The following PLXNA4 variants were observed in gnomAD, a reference collection of about 807,000 sequenced individuals.
The protein encoded by PLXNA4 is plexin A4.
A neutral mutation model predicts 191.8 loss-of-function variants in PLXNA4; 44 were observed. The ratio of observed to expected loss-of-function variants is 0.23; its 90% CI spans 0.18 to 0.29. PLXNA4 has a LOEUF of 0.29. Among genes scored for constraint, PLXNA4 ranks in the 10% least tolerant of loss-of-function variants. The pLI is 1.00. For synonymous variants in PLXNA4, 1,082 were observed against 1,009.5 expected (o/e 1.07, Z -1.36); for missense variants, 1,800 against 2,488.8 (o/e 0.72, Z 5.89).
At chr7:132,492,870 T>A (rs1797859946) in intron 2 of PLXNA4, among the ~76,000 whole-genome samples, 1 of 152,186 alleles carries the variant, frequency 6.6e-6, no homozygotes, top group South Asian at 2.1e-4. Context: ...ATTTTTTGTG[T>A]ATAGAAATCC....
At chr7:132,389,934 T>C (rs1218638395) in intron 3 of PLXNA4, among the ~76,000 whole-genome samples, 2 of 152,150 alleles carry the variant, frequency 1.3e-5, no homozygotes, top group Non-Finnish European at 2.9e-5. Context: ...CCAGAGAGGA[T>C]GTGGAGAAAT....
At chr7:132,250,830 C>T (rs1489174419) in intron 4 of PLXNA4, among the ~76,000 whole-genome samples, 1 of 152,210 alleles carries the variant, frequency 6.6e-6, no homozygotes, top group Non-Finnish European at 1.5e-5. Context: ...TCCAAGGCTA[C>T]ATGGCTACCA....
intron 3 of PLXNA4, among the ~76,000 whole-genome samples, chr7:132,477,504 G>GT (rs1170655626): frequency 3.3e-5 from 5 of 152,226 alleles, no homozygotes; most frequent in Non-Finnish European, 5.9e-5. Context: ...ATGAACGTGA[G>GT]TTGAAAATAG....
chr7:132,380,268 G>A (rs1231855881), intron 3 of PLXNA4, among the ~76,000 whole-genome samples: 2 of 152,186 alleles, frequency 1.3e-5, no homozygotes, highest in Non-Finnish European at 2.9e-5. Flanking sequence ...TTGCAGCATT[G>A]TGATCGTGTG....
intron 3 of PLXNA4, among the ~76,000 whole-genome samples, chr7:132,436,549 G>A (rs973453028): frequency 6.6e-6 from 1 of 152,208 alleles, no homozygotes; most frequent in African/African-American, 2.4e-5. Context: ...TGCAGTGGGA[G>A]ATCCCAATCA....
chr7:132,205,635 C>A (rs1797591823), intron 10 of PLXNA4, among the ~76,000 whole-genome samples: 1 of 152,158 alleles, frequency 6.6e-6, no homozygotes, highest in African/African-American at 2.4e-5. Context: ...GGTGATCTCA[C>A]CAGGCTTCAA....
At chr7:132,368,810 A>G (rs1483584567) in intron 3 of PLXNA4, among the ~76,000 whole-genome samples, 4 of 152,168 alleles carry the variant, frequency 2.6e-5, no homozygotes, top group Admixed American at 2.6e-4. Context: ...GCCAGGTGAA[A>G]TTTGCAGTCA....
intron 2 of PLXNA4, among the ~76,000 whole-genome samples, chr7:132,623,967 A>C (rs1185109938): frequency 1.3e-5 from 2 of 152,240 alleles, no homozygotes; most frequent in African/African-American, 4.8e-5. Flanking sequence ...GAATAAAGGA[A>C]GCTTAGTCTT....
rs547242141 is a variant in PLXNA4 at position 132,225,127 on chromosome 7, G to A, written c.1982+1034C>T. On this transcript the variant is annotated intron_variant, in intron 8 of 31. Coordinates refer to ENST00000321063, the MANE Select transcript of PLXNA4 (RefSeq NM_020911.2). The stretch of plus-strand genomic sequence containing the variant: ...TATTGGGCATCCACACCTACTTTCA[G>A]TTTAAGATTTCTATGGTGAGAAGAA... Among the ~76,000 whole-genome samples, 4 of 152,132 alleles carry A rather than the reference G, an allele frequency of 2.6e-5. No individual in the cohort carries two copies. The South Asian group carries it at 6.2e-4, about 24-fold the overall frequency.
intron 3 of PLXNA4, among the ~76,000 whole-genome samples, chr7:132,410,995 C>A (rs1794435868): frequency 6.6e-6 from 1 of 152,174 alleles, no homozygotes; most frequent in Non-Finnish European, 1.5e-5. Flanking sequence ...TGGCCATCAT[C>A]CCGATTACGT....
chr7:132,634,991 G>T (rs568017406), intron 2 of PLXNA4, among the ~76,000 whole-genome samples: 4 of 152,094 alleles, frequency 2.6e-5, no homozygotes, highest in Admixed American at 1.3e-4. Context: ...GAAAAGACGA[G>T]ACTGGCCTAG....
chr7:132,435,659 G>C (rs1414578285), intron 3 of PLXNA4, among the ~76,000 whole-genome samples: 4 of 152,226 alleles, frequency 2.6e-5, no homozygotes, highest in Non-Finnish European at 4.4e-5. Flanking sequence ...GGGGCCACCT[G>C]TGTTCGGCAA....
chr7:132,499,174 C>T (rs764599664), intron 2 of PLXNA4, among the ~76,000 whole-genome samples: 2 of 152,240 alleles, frequency 1.3e-5, no homozygotes, highest in Admixed American at 6.5e-5. Flanking sequence ...CAAAGACAAG[C>T]TTCAGCTCAG....
chr7:132,148,782 A>C, intron 25 of PLXNA4, 136 bp from the exon 26 acceptor site: 1 of 1,359,018 alleles, frequency 7.4e-7, no homozygotes, highest in Non-Finnish European at 9.8e-7. Context: ...GCTCCTGCGA[A>C]AATGGAGTGC....
intron 4 of PLXNA4, among the ~76,000 whole-genome samples, chr7:132,272,638 A>G (rs1203577424): frequency 6.6e-6 from 1 of 152,222 alleles, no homozygotes; most frequent in Non-Finnish European, 1.5e-5. Flanking sequence ...ACAGTATGAT[A>G]CAATTGTTGC....
Position 132,174,866 on chromosome 7 carries a change from G to C in PLXNA4, c.3929C>G (p.Ala1310Gly), listed in dbSNP as rs763111156. Reference protein sequence around the residue: ...IHELTSDLDGAGIPFLDYRTY... With the variant: ...IHELTSDLDGGGIPFLDYRTY... The stretch of plus-strand genomic sequence containing the variant: ...TCTATAGTCCAGGAACGGAATCCCG[G>C]CTCCATCCAGGTCACTGGTCAGCTC... Residue 1310 changes from alanine (A) to glycine (G), a missense_variant, in exon 21 of 32, where the codon GCC becomes GGC. Ala to Gly is a moderately conservative substitution (Grantham distance 60). Transcript: ENST00000321063. 6.2e-7 allele frequency: 1 copy of C among 1,614,196 alleles called. No homozygotes were observed. The highest frequency in any genetic ancestry group is 8.5e-7 in the Non-Finnish European group (1 of 1,180,040).
At chr7:132,335,733 G>C (rs188589903) in intron 3 of PLXNA4, among the ~76,000 whole-genome samples, 1 of 152,342 alleles carries the variant, frequency 6.6e-6, no homozygotes, top group East Asian at 1.9e-4. Context: ...TTCGAAGACA[G>C]GAAAAGGCAA....
At chr7:132,269,046 T>C (rs1273189756) in intron 4 of PLXNA4, among the ~76,000 whole-genome samples, 3 of 152,200 alleles carry the variant, frequency 2.0e-5, no homozygotes, top group Non-Finnish European at 4.4e-5. Context: ...ATATTTGGAA[T>C]GTGTCCACAT....
chr7:132,331,389 TG>T (rs1461067493), intron 3 of PLXNA4, among the ~76,000 whole-genome samples: 1 of 152,208 alleles, frequency 6.6e-6, no homozygotes, highest in Non-Finnish European at 1.5e-5. Context: ...CTGCAGCCTG[TG>T]CTGCAACCTC....
Sources: allele counts gnomAD v4.1 joint callset (sites outside exome capture counted in the v4.1 genomes callset), GRCh38; gene constraint gnomAD v4.1.1; transcripts MANE v1.5; gene names NCBI Gene and HGNC (gene_info 2026-07-23, HGNC 2026-07-21).